Variants in GRIA1 observed in about 807,000 individuals in gnomAD.
The protein encoded by GRIA1 is glutamate receptor 1.
GRIA1 carries 31 observed loss-of-function variants against 99.2 expected under a neutral mutation model. That is an observed-to-expected ratio of 0.31 (90% CI 0.23 to 0.42). The LOEUF (loss-of-function observed/expected upper bound fraction) is 0.42. Among genes scored for constraint, GRIA1 ranks in the 10% least tolerant of loss-of-function variants. The pLI is 1.00. For synonymous variants in GRIA1, 438 were observed against 432.4 expected (o/e 1.01, Z -0.16); for missense variants, 782 against 1,157.5 (o/e 0.68, Z 4.71).
intron 5 of GRIA1, among the ~76,000 whole-genome samples, chr5:153,673,523 G>A (rs1156246085): frequency 2.0e-5 from 3 of 152,200 alleles, no homozygotes; most frequent in Non-Finnish European, 4.4e-5. Flanking sequence ...TTGTTGAAAT[G>A]ATTAATCAGT....
At chr5:153,499,914 G>T (rs1290541126) in intron 2 of GRIA1, among the ~76,000 whole-genome samples, 2 of 152,162 alleles carry the variant, frequency 1.3e-5, no homozygotes, top group Non-Finnish European at 2.9e-5. Context: ...GCATATGCTT[G>T]TTACCATGTG....
At chr5:153,662,242 C>T (rs904171735) in intron 5 of GRIA1, among the ~76,000 whole-genome samples, 9 of 152,224 alleles carry the variant, frequency 5.9e-5, no homozygotes, top group African/African-American at 2.2e-4. Context: ...GTCCAGACAA[C>T]CACCAAACAT....
Position 153,655,588 on chromosome 5 carries a change from G to A in GRIA1, c.646-231G>A, listed in dbSNP as rs73278134. On this transcript the variant is annotated intron_variant, in intron 4 of 15. Transcript: ENST00000285900. ...ATTCTGTATCTGCCACTTAGTAGCT[G>A]TAAGATTACAACTTACAGAGGTTAT... is the stretch of plus-strand genomic sequence containing the variant. 3.3e-3 allele frequency among the ~76,000 whole-genome samples: 500 copies of A among 152,272 alleles called. 4 individuals are homozygous for A. Among genetic ancestry groups the A allele is most frequent in the African/African-American group, 0.011 (463 of 41,562 alleles).
intron 5 of GRIA1, among the ~76,000 whole-genome samples, chr5:153,666,361 G>T (rs1267649716): frequency 6.6e-6 from 1 of 152,190 alleles, no homozygotes; most frequent in Non-Finnish European, 1.5e-5. Flanking sequence ...GAGGCCTAGA[G>T]AGATAGGAAT....
intron 11 of GRIA1, among the ~76,000 whole-genome samples, chr5:153,723,556 C>T (rs572533515): frequency 1.4e-4 from 21 of 152,312 alleles, no homozygotes; most frequent in South Asian, 1.0e-3. Flanking sequence ...TGCGCTTTTC[C>T]AATGGACTTA....
intron 13 of GRIA1, among the ~76,000 whole-genome samples, chr5:153,781,877 T>C (rs1764656496): frequency 6.6e-6 from 1 of 152,152 alleles, no homozygotes; most frequent in African/African-American, 2.4e-5. Flanking sequence ...GAATAAACTA[T>C]GACATTAGCA....
intron 2 of GRIA1, among the ~76,000 whole-genome samples, chr5:153,524,760 C>T (rs1398970326): frequency 6.6e-6 from 1 of 152,120 alleles, no homozygotes; most frequent in African/African-American, 2.4e-5. Context: ...GGGATTTGTA[C>T]CTTCTTGGCC....
chr5:153,751,000 T>C (rs2149589291), intron 11 of GRIA1, among the ~76,000 whole-genome samples: 1 of 152,222 alleles, frequency 6.6e-6, no homozygotes, highest in Non-Finnish European at 1.5e-5. Flanking sequence ...CTTGGGAGGC[T>C]GAGGCAGGAG....
intron 8 of GRIA1, among the ~76,000 whole-genome samples, chr5:153,687,464 C>A (rs1157014320): frequency 6.6e-6 from 1 of 152,160 alleles, no homozygotes; most frequent in Non-Finnish European, 1.5e-5. Context: ...AGTACTGGAA[C>A]TGGCCCATTG....
At chr5:153,637,006 G>C (rs1199431624) in intron 2 of GRIA1, among the ~76,000 whole-genome samples, 1 of 152,186 alleles carries the variant, frequency 6.6e-6, no homozygotes, top group African/African-American at 2.4e-5. Context: ...TAATCTCCCT[G>C]AACTTCAGCT....
At chr5:153,630,167 G>A (rs1581365894) in intron 2 of GRIA1, among the ~76,000 whole-genome samples, 1 of 152,152 alleles carries the variant, frequency 6.6e-6, no homozygotes, top group East Asian at 1.9e-4. Context: ...ATTGATGAAA[G>A]TAAAATGTGT....
chr5:153,655,219 C>T (rs1259895165), intron 4 of GRIA1, among the ~76,000 whole-genome samples: 1 of 152,094 alleles, frequency 6.6e-6, no homozygotes, highest in East Asian at 1.9e-4. Context: ...CTAAGTTGGG[C>T]AATCCATTAA....
Position 153,540,229 on chromosome 5 carries a change from C to T in GRIA1, c.220+46164C>T, listed in dbSNP as rs533000073. Among the ~76,000 whole-genome samples, 20 of 152,294 alleles carry T rather than the reference C, an allele frequency of 1.3e-4. No homozygotes were observed. In the South Asian group the frequency reaches 4.1e-3, roughly 32 times the overall value. ...GATCGGGCAAGCATCTGCAGAAAGG[C>T]TTAGCGAGATCTCTTGCAAAGTCAG... On this transcript the variant is annotated intron_variant, in intron 2 of 15. Transcript: ENST00000285900.
intron 13 of GRIA1, among the ~76,000 whole-genome samples, chr5:153,786,290 G>C (rs1329943506): frequency 1.3e-5 from 2 of 151,818 alleles, no homozygotes; most frequent in Non-Finnish European, 2.9e-5. Flanking sequence ...TCTCCCCGAA[G>C]GTCCCCTCAT....
intron 10 of GRIA1, among the ~76,000 whole-genome samples, chr5:153,701,574 T>C (rs1312053721): frequency 7.9e-6 from 1 of 125,882 alleles, no homozygotes; most frequent in East Asian, 2.8e-4. Context: ...TGAGCCAAGA[T>C]GGTGCCGCTG....
intron 13 of GRIA1, among the ~76,000 whole-genome samples, chr5:153,771,449 C>T (rs796366583): frequency 2.0e-5 from 3 of 152,306 alleles, no homozygotes; most frequent in African/African-American, 7.2e-5. Context: ...TAAGCCCCAA[C>T]ATTGTTCTGG....
intron 2 of GRIA1, among the ~76,000 whole-genome samples, chr5:153,518,611 T>C (rs555476715): frequency 1.3e-5 from 2 of 152,362 alleles, no homozygotes; most frequent in South Asian, 4.1e-4. Context: ...ATAATGTATA[T>C]TATTAATCAT....
At chr5:153,677,281 C>A in intron 7 of GRIA1, 120 bp downstream of exon 7, 2 of 760,802 alleles carry the variant, frequency 2.6e-6, no homozygotes, top group Non-Finnish European at 3.7e-6. Flanking sequence ...TTCAGAACAA[C>A]CACTGCATTG....
At chr5:153,514,462 T>C (rs542605825) in intron 2 of GRIA1, among the ~76,000 whole-genome samples, 2 of 152,376 alleles carry the variant, frequency 1.3e-5, no homozygotes, top group East Asian at 3.9e-4. Flanking sequence ...TTTCCCCTTG[T>C]GTGCTCTTGG....
Sources: gnomAD v4.1 joint callset for allele counts (sites outside exome capture counted in the v4.1 genomes callset) on GRCh38, gnomAD v4.1.1 for gene constraint, MANE v1.5 for transcripts, NCBI Gene and HGNC (gene_info 2026-07-23, HGNC 2026-07-21) for gene names.